PHOSPHO2: variants seen among roughly 807,000 people sequenced by gnomAD.
PHOSPHO2 encodes the protein pyridoxal phosphate phosphatase PHOSPHO2.
Under a neutral mutation model 16.4 loss-of-function variants are expected in PHOSPHO2, and 14 were observed. The observed-to-expected ratio is 0.85, with a 90% CI of 0.56 to 1.33. PHOSPHO2 has a LOEUF of 1.33. PHOSPHO2 is among the 40% of genes most tolerant of loss of function. PHOSPHO2 has a pLI of 0.00. For synonymous variants in PHOSPHO2, 85 were observed against 90.5 expected (o/e 0.94, Z 0.34); for missense variants, 246 against 282.5 (o/e 0.87, Z 0.93).
intron 3 of PHOSPHO2, among the ~76,000 whole-genome samples, chr2:169,699,007 T>A (rs1026232294): frequency 2.0e-5 from 3 of 152,264 alleles, no homozygotes; most frequent in African/African-American, 4.8e-5. Flanking sequence ...AATACTTTTT[T>A]AATTTTTTTG....
chr2:169,695,717 C>A (rs1687502163), intron 2 of PHOSPHO2, among the ~76,000 whole-genome samples: 1 of 152,006 alleles, frequency 6.6e-6, no homozygotes, highest in Non-Finnish European at 1.5e-5. Context: ...CTGGCAGTTT[C>A]ATGGAAGACA....
At chr2:169,696,780 G>A (rs188155537) in intron 2 of PHOSPHO2, among the ~76,000 whole-genome samples, 1 of 152,224 alleles carries the variant, frequency 6.6e-6, no homozygotes. Context: ...AATGTCTATT[G>A]ACAACAGAAT....
intron 1 of PHOSPHO2, 134 bp from the exon 2 acceptor site, chr2:169,695,081 A>G (rs1687467015): frequency 6.5e-6 from 1 of 153,060 alleles, no homozygotes; most frequent in East Asian, 1.9e-4. Flanking sequence ...ATTGATGTAC[A>G]GATAACTTCA....
At position 169,694,525 on chromosome 2, in the gene PHOSPHO2, G is replaced by T; in HGVS notation, c.-328G>T. On this transcript the variant is annotated 5_prime_UTR_variant, in exon 1 of 4. Coordinates refer to ENST00000359744, the MANE Select transcript of PHOSPHO2 (RefSeq NM_001008489.4). Reference sequence around the variant, plus strand: ...GCCTGCGCTTGCGAGCTGGGCTTGTGAGTGGGGCTGCCGAGAGGGCAGGCG... The same window carrying T: ...GCCTGCGCTTGCGAGCTGGGCTTGTTAGTGGGGCTGCCGAGAGGGCAGGCG... The T allele has an allele frequency of 6.3e-6, 4 of 638,320 alleles. No homozygotes were observed. The highest frequency in any genetic ancestry group is 1.1e-5 in the Non-Finnish European group (4 of 355,936). The allele number at this position is 638,320 out of a possible 1,614,324, so 39.5% of individuals were successfully genotyped here.
chr2:169,701,692 G>T lies in PHOSPHO2; in HGVS notation c.721G>T (p.Asp241Tyr), dbSNP rs148255208. 649 of 1,522,988 alleles carry T rather than the reference G, an allele frequency of 4.3e-4. 2 individuals are homozygous for T. The highest frequency in any genetic ancestry group is 3.6e-3 in the Middle Eastern group (21 of 5,792). 94.3% of individuals were successfully genotyped at this position (1,522,988 alleles called of 1,614,324 possible). ...IISHLQFLIKD is the reference protein window; with the variant it reads ...IISHLQFLIKY ...TTCTCATTTACAATTTCTAATAAAG[G>T]ATTAATATGTCAGCAATTGAAAAGT... is the stretch of plus-strand genomic sequence containing the variant. The change falls in exon 4 of 4, where the codon GAT becomes TAT. Residue 241 changes from aspartate to tyrosine, a missense_variant. By Grantham distance (160) the Asp-to-Tyr change is radical. Transcript: ENST00000359744.
At chr2:169,695,453 G>A (rs1315049139) in intron 2 of PHOSPHO2, among the ~76,000 whole-genome samples, 1 of 151,992 alleles carries the variant, frequency 6.6e-6, no homozygotes, top group East Asian at 1.9e-4. Flanking sequence ...TGGCTAACAC[G>A]GTGAAACCCT....
In PHOSPHO2 at chr2:169,700,954, A is replaced by G. The variant is rs1187370155; in HGVS notation, c.-18A>G. On this transcript the variant is annotated 5_prime_UTR_variant, in exon 4 of 4. Coordinates refer to ENST00000359744, the MANE Select transcript of PHOSPHO2 (RefSeq NM_001008489.4). ...TATTTCTTCTTTTTCAGGGTAATCCAAATCTATTTCTGGAACCATGAAAAT... is the reference window on the plus strand; with the variant it reads ...TATTTCTTCTTTTTCAGGGTAATCCGAATCTATTTCTGGAACCATGAAAAT... The G allele has an allele frequency of 1.3e-6, 2 of 1,575,980 alleles. No homozygotes were observed. Among genetic ancestry groups the G allele is most frequent in the Non-Finnish European group, 1.7e-6 (2 of 1,165,640 alleles).
At position 169,701,028 on chromosome 2, in the gene PHOSPHO2, C is replaced by T. The variant is rs1558931572; in HGVS notation, c.57C>T (p.Asp19=). Residue 19 remains aspartate, a synonymous_variant, in exon 4 of 4, where the codon GAC becomes GAT. Coordinates refer to ENST00000359744, the MANE Select transcript of PHOSPHO2 (RefSeq NM_001008489.4). ...ATACAATCATAGATGACAATAGTGA[C>T]ACTTGGATTGTACAATGTGCTCCCA... The part of the protein sequence containing the change: ...FDNTIIDDNS[D]TWIVQCAPNK... The T allele has an allele frequency of 6.2e-7, 1 of 1,613,128 alleles. No homozygotes were observed.
intron 3 of PHOSPHO2, chr2:169,698,284 TTAAA>T (rs1687619533): frequency 6.6e-6 from 1 of 152,216 alleles, no homozygotes. Flanking sequence ...TTTTATGTAA[TTAAA>T]TATCTTTCTG....
At position 169,700,949 on chromosome 2, in the gene PHOSPHO2, A is replaced by G; in HGVS notation, c.-23A>G. The stretch of plus-strand genomic sequence containing the variant: ...AATAATATTTCTTCTTTTTCAGGGT[A>G]ATCCAAATCTATTTCTGGAACCATG... On this transcript the variant is annotated 5_prime_UTR_variant, in exon 4 of 4. Coordinates refer to ENST00000359744, the MANE Select transcript of PHOSPHO2 (RefSeq NM_001008489.4). The G allele has an allele frequency of 6.4e-7, 1 of 1,566,798 alleles. No homozygotes were observed.
intron 3 of PHOSPHO2, among the ~76,000 whole-genome samples, chr2:169,699,144 T>C (rs977878841): frequency 1.3e-5 from 2 of 152,098 alleles, no homozygotes; most frequent in African/African-American, 4.8e-5. Flanking sequence ...CAGCATCCAC[T>C]AGCTGTTTTC....
intron 2 of PHOSPHO2, among the ~76,000 whole-genome samples, chr2:169,697,116 T>C (rs1367942009): frequency 6.6e-6 from 1 of 151,886 alleles, no homozygotes; most frequent in African/African-American, 2.4e-5. Context: ...CCCAGGTTCA[T>C]ACCATTCTCC....
At chr2:169,695,191 C>T (rs1475628687) in intron 1 of PHOSPHO2, 24 bp from the exon 2 acceptor site, 2 of 152,222 alleles carry the variant, frequency 1.3e-5, no homozygotes, top group Admixed American at 1.3e-4. Context: ...TGTTCTAACA[C>T]ATAGTCGTGC....
rs1466627327 is a variant in PHOSPHO2, at chr2:169,697,957, A to G, written c.-27+426A>G. On this transcript the variant is annotated intron_variant, in intron 3 of 3. Coordinates refer to ENST00000359744, the MANE Select transcript of PHOSPHO2 (RefSeq NM_001008489.4). The stretch of plus-strand genomic sequence containing the variant: ...ACAAGGATCCAGAATAACAAAAACT[A>G]TGTACCAGCCACATTCACACAACAG... 5 of 152,184 alleles carry G rather than the reference A, an allele frequency of 3.3e-5. No individual in the cohort carries two copies. In the East Asian group the frequency reaches 5.8e-4, roughly 18 times the overall value. The allele number at this position is 152,184 out of a possible 1,614,324, so 9.4% of individuals were successfully genotyped here. A position where few individuals can be genotyped will look rare whatever the true frequency, so the allele number is the denominator to read the frequency against.
At chr2:169,694,645 C>T in intron 1 of PHOSPHO2, 23 bp downstream of exon 1, 1 of 468,400 alleles carries the variant, frequency 2.1e-6, no homozygotes, top group Non-Finnish European at 4.0e-6. Flanking sequence ...CCCGTGGGCC[C>T]CCGCCCTGCC....
Position 169,701,660 on chromosome 2 carries a change from A to C in PHOSPHO2, c.689A>C (p.Asp230Ala), listed in dbSNP as rs936575772. 65 of 1,565,160 alleles carry C rather than the reference A, an allele frequency of 4.2e-5. No individual in the cohort carries two copies. Among genetic ancestry groups the C allele is most frequent in the Non-Finnish European group, 5.6e-5 (65 of 1,161,600 alleles). ...YSVVVWSSGV[D>A]IISHLQFLIK... is the part of the protein sequence containing the mutation. Reference sequence around the variant, plus strand: ...GTTGTAGTTTGGTCCTCAGGTGTTGATATAATTTCTCATTTACAATTTCTA... The same window carrying C: ...GTTGTAGTTTGGTCCTCAGGTGTTGCTATAATTTCTCATTTACAATTTCTA... The change falls in exon 4 of 4, where the codon GAT becomes GCT. Residue 230 changes from aspartate to alanine, a missense_variant. Transcript: ENST00000359744.
At chr2:169,700,071 A>C (rs1206957579) in intron 3 of PHOSPHO2, among the ~76,000 whole-genome samples, 1 of 149,856 alleles carries the variant, frequency 6.7e-6, no homozygotes, top group Non-Finnish European at 1.5e-5. Flanking sequence ...TTTCAACTTT[A>C]TAATAGTTGC....
rs188859108 is a variant in PHOSPHO2, at chr2:169,695,992, C to T, written c.-198+745C>T. On this transcript the variant is annotated intron_variant, in intron 2 of 3. Coordinates refer to ENST00000359744, the MANE Select transcript of PHOSPHO2 (RefSeq NM_001008489.4). ...ACAATAGTCTAGAGGAAAGGGCAGT[C>T]AGTAAGACATGCAGAACCACCAGAG... Among the ~76,000 whole-genome samples the T allele has an allele frequency of 9.2e-5, 14 of 152,260 alleles. No individual in the cohort carries two copies. The East Asian group carries it at 1.5e-3, about 17-fold the overall frequency.
intron 1 of PHOSPHO2, among the ~76,000 whole-genome samples, chr2:169,695,012 C>T (rs1348673808): frequency 6.6e-6 from 1 of 152,158 alleles, no homozygotes; most frequent in Non-Finnish European, 1.5e-5. Context: ...AAATACATGA[C>T]CACAGAAATC....
Sources: allele counts gnomAD v4.1 joint callset (sites outside exome capture counted in the v4.1 genomes callset), GRCh38; gene constraint gnomAD v4.1.1; transcripts MANE v1.5; gene names NCBI Gene and HGNC (gene_info 2026-07-23, HGNC 2026-07-21).